The following RIPOR2 variants were observed in gnomAD, a reference collection of about 807,000 sequenced individuals.
RIPOR2 encodes the protein rho family-interacting cell polarization regulator 2.
In RIPOR2, 39 loss-of-function variants were observed where a neutral mutation model predicts 114.5. The ratio of observed to expected loss-of-function variants is 0.34; its 90% CI spans 0.26 to 0.44. The LOEUF (loss-of-function observed/expected upper bound fraction) is 0.44. RIPOR2 is among the 20% of genes least tolerant of loss of function. The pLI, the probability that RIPOR2 is intolerant of heterozygous loss-of-function variation, is 1.00. For synonymous variants in RIPOR2, 445 were observed against 484.4 expected (o/e 0.92, Z 1.07); for missense variants, 1,007 against 1,255.1 (o/e 0.80, Z 2.99).
intron 1 of RIPOR2, among the ~76,000 whole-genome samples, chr6:24,996,339 T>C (rs1031873351): frequency 3.9e-5 from 6 of 152,364 alleles, no homozygotes; most frequent in African/African-American, 1.4e-4. Context: ...ATTTGATTTA[T>C]GACCCTGGGT....
intron 1 of RIPOR2, chr6:24,976,308 A>G: frequency 1.4e-6 from 1 of 730,248 alleles, no homozygotes; most frequent in Non-Finnish European, 2.3e-6. Flanking sequence ...TTGTGCAACC[A>G]CTTAAATTGT....
intron 3 of RIPOR2, 37 bp from the exon 4 acceptor site, chr6:24,872,996 C>A (rs372991792): frequency 2.1e-6 from 3 of 1,420,134 alleles, no homozygotes; most frequent in African/African-American, 1.4e-5. Flanking sequence ...GTAATCTCTG[C>A]GCCTGTTAAG....
At chr6:24,879,959 T>A (rs965133475) in intron 1 of RIPOR2, among the ~76,000 whole-genome samples, 1 of 152,216 alleles carries the variant, frequency 6.6e-6, no homozygotes, top group Non-Finnish European at 1.5e-5. Flanking sequence ...ATCTGCATTT[T>A]AATAGCAGGT....
At chr6:25,038,767 G>A (rs1777356089) in intron 1 of RIPOR2, among the ~76,000 whole-genome samples, 2 of 152,196 alleles carry the variant, frequency 1.3e-5, no homozygotes, top group South Asian at 4.1e-4. Flanking sequence ...GAAGCTGTGA[G>A]ATAAAAAATG....
At position 24,883,039 on chromosome 6, in the gene RIPOR2, T is replaced by C. The variant is rs187941739; in HGVS notation, c.62-7222A>G. ...CGTGATCATTTGTGCATGCTTGAGT[T>C]GCAGGACATCAAACATCATGAAATT... On this transcript the variant is annotated intron_variant, in intron 1 of 21. Transcript: ENST00000643898. The surrounding 1 kb of genome is among the most constrained non-coding windows in gnomAD (Gnocchi z 4.1). Among the ~76,000 whole-genome samples the C allele has an allele frequency of 6.6e-6, 1 of 152,350 alleles. No homozygotes were observed.
chr6:24,949,513 A>G (rs1772636351), intron 1 of RIPOR2, among the ~76,000 whole-genome samples: 2 of 152,208 alleles, frequency 1.3e-5, no homozygotes, highest in South Asian at 4.1e-4. Flanking sequence ...CTTTAGGGTC[A>G]GGTTTCGTGA....
rs552852312 is a variant in RIPOR2 at position 24,903,413 on chromosome 6, C to T, written c.62-27596G>A. Among the ~76,000 whole-genome samples the T allele has an allele frequency of 5.5e-4, 84 of 152,082 alleles. 1 individual carries two copies. The highest frequency in any genetic ancestry group is 1.9e-3 in the African/African-American group (79 of 41,502). On this transcript the variant is annotated intron_variant, in intron 1 of 21. Coordinates refer to ENST00000643898, the MANE Select transcript of RIPOR2 (RefSeq NM_001286445.3). Reference sequence around the variant, plus strand: ...AGAGTCACTTTATTGAAAGATCATGCGGGGTGGGAGTTATTACTGAGGGCA... The same window carrying T: ...AGAGTCACTTTATTGAAAGATCATGTGGGGTGGGAGTTATTACTGAGGGCA...
At chr6:25,015,963 G>A (rs1195671637) in intron 1 of RIPOR2, 1 of 137,244 alleles carries the variant, frequency 7.3e-6, no homozygotes, top group Non-Finnish European at 1.5e-5. Context: ...GAGTGCAATG[G>A]CATGATCTCG....
intron 1 of RIPOR2, among the ~76,000 whole-genome samples, chr6:25,040,101 A>G (rs1020323669): frequency 1.3e-4 from 19 of 149,976 alleles, no homozygotes; most frequent in Admixed American, 2.0e-4. Flanking sequence ...CATAAAGAAC[A>G]CTGTGTGATA....
intron 1 of RIPOR2, among the ~76,000 whole-genome samples, chr6:25,002,238 G>A (rs1775354799): frequency 6.6e-6 from 1 of 152,116 alleles, no homozygotes. Flanking sequence ...TTACCTAAAC[G>A]TTAGGACAAC....
intron 1 of RIPOR2, among the ~76,000 whole-genome samples, chr6:24,962,874 T>C (rs894010536): frequency 3.9e-5 from 6 of 152,132 alleles, no homozygotes; most frequent in African/African-American, 1.4e-4. Context: ...GATTCAGTGA[T>C]TGGAAGTGGA....
chr6:24,862,164 A>C (rs926439065), intron 7 of RIPOR2, among the ~76,000 whole-genome samples: 12 of 152,278 alleles, frequency 7.9e-5, no homozygotes, highest in African/African-American at 2.9e-4. Context: ...GTTAGAAATG[A>C]AAAGGGAAAG....
chr6:24,980,683 G>A (rs1774249192), intron 1 of RIPOR2, among the ~76,000 whole-genome samples: 1 of 152,176 alleles, frequency 6.6e-6, no homozygotes, highest in Admixed American at 6.5e-5. Flanking sequence ...CACATCCCCA[G>A]GTGCAAGTGG....
At chr6:25,025,492 A>G (rs1190602602) in intron 1 of RIPOR2, among the ~76,000 whole-genome samples, 3 of 152,148 alleles carry the variant, frequency 2.0e-5, no homozygotes, top group Non-Finnish European at 2.9e-5. Flanking sequence ...AAAAAATGAC[A>G]GTGACAGATA....
chr6:24,851,270 T>C (rs146734176), intron 9 of RIPOR2, among the ~76,000 whole-genome samples: 1 of 152,178 alleles, frequency 6.6e-6, no homozygotes, highest in Non-Finnish European at 1.5e-5. Context: ...AAAAGGTCAT[T>C]GCACTGTGCC....
chr6:25,015,358 A>AACATT (rs1229667003), intron 1 of RIPOR2: 5 of 152,248 alleles, frequency 3.3e-5, no homozygotes, highest in African/African-American at 1.2e-4. Flanking sequence ...TTGTCATGGC[A>AACATT]ACAGAAATAC....
intron 1 of RIPOR2, among the ~76,000 whole-genome samples, chr6:24,961,101 A>G (rs962454933): frequency 2.6e-5 from 4 of 152,206 alleles, no homozygotes; most frequent in East Asian, 1.9e-4. Flanking sequence ...GGCAAACACC[A>G]CCATCCTCAG....
intron 1 of RIPOR2, among the ~76,000 whole-genome samples, chr6:24,906,933 C>A (rs562520767): frequency 1.4e-4 from 21 of 152,276 alleles, no homozygotes; most frequent in African/African-American, 4.6e-4. Flanking sequence ...GCCACCGTGC[C>A]CAGCCAATAT....
intron 1 of RIPOR2, among the ~76,000 whole-genome samples, chr6:24,903,972 C>G (rs1007091066): frequency 1.3e-5 from 2 of 152,232 alleles, no homozygotes; most frequent in African/African-American, 2.4e-5. Flanking sequence ...TCGTCCCAAC[C>G]CCTTCTTGCT....
Sources: allele counts gnomAD v4.1 joint callset (sites outside exome capture counted in the v4.1 genomes callset), GRCh38; gene constraint gnomAD v4.1.1; non-coding constraint Gnocchi (gnomAD v3.1); transcripts MANE v1.5; gene names NCBI Gene and HGNC (gene_info 2026-07-23, HGNC 2026-07-21).